CYP39A1: variants seen among roughly 807,000 people sequenced by gnomAD.
CYP39A1 encodes 24-hydroxycholesterol 7-alpha-hydroxylase.
In CYP39A1, 49 loss-of-function variants were observed where a neutral mutation model predicts 58.1. That is an observed-to-expected ratio of 0.84 (90% CI 0.67 to 1.07). The LOEUF is 1.07. Among genes scored for constraint, CYP39A1 ranks in the 50% least tolerant of loss-of-function variants. The probability of loss-of-function intolerance (pLI) is 0.00; values close to 1 mark genes in which losing one functional copy is unlikely to be tolerated. For missense variants in CYP39A1, 531 were observed against 539.4 expected (o/e 0.98, Z 0.16); for synonymous variants, 209 against 187.6 (o/e 1.11, Z -0.93).
intron 7 of CYP39A1, among the ~76,000 whole-genome samples, chr6:46,616,502 G>A (rs546932015): frequency 6.6e-6 from 1 of 151,528 alleles, no homozygotes; most frequent in East Asian, 2.0e-4. Context: ...CAAAGCTCTG[G>A]AATTATAGGC....
At chr6:46,629,622 G>A (rs989132105) in intron 6 of CYP39A1, among the ~76,000 whole-genome samples, 1 of 152,126 alleles carries the variant, frequency 6.6e-6, no homozygotes, top group Non-Finnish European at 1.5e-5. Context: ...AGAATATCAT[G>A]ACTGAGAAAG....
chr6:46,568,275 G>A (rs1771401001), intron 10 of CYP39A1, among the ~76,000 whole-genome samples: 1 of 152,004 alleles, frequency 6.6e-6, no homozygotes, highest in Admixed American at 6.6e-5. Flanking sequence ...AGTTTTAGAA[G>A]TTCTCTATGC....
intron 10 of CYP39A1, among the ~76,000 whole-genome samples, chr6:46,575,100 G>A (rs1001567903): frequency 3.9e-5 from 6 of 152,098 alleles, no homozygotes; most frequent in South Asian, 2.1e-4. Context: ...TAGGCATGGA[G>A]TGGCTCACCT....
In CYP39A1 at chr6:46,637,876, A is replaced by T; in HGVS notation, c.591T>A (p.Tyr197Ter). The stretch of plus-strand genomic sequence containing the variant: ...GGGACCCATACTCAAAATCTTCATC[A>T]TAAACTTGAAAATACTGATGGAACT... ...IKEFHQYFQV[Y>*]DEDFEYGSQL... Residue 197 changes from tyrosine to a stop codon, truncating the protein, a stop_gained, in exon 4 of 12, where the codon TAT becomes TAA. Transcript: ENST00000275016. LOFTEE classifies it high-confidence loss of function. 1 of 1,612,466 alleles carries T rather than the reference A, an allele frequency of 6.2e-7. No homozygotes were observed. Among genetic ancestry groups the T allele is most frequent in the Admixed American group, 1.7e-5 (1 of 59,586 alleles).
chr6:46,583,329 G>C (rs1213884593), intron 10 of CYP39A1: 1 of 985,216 alleles, frequency 1.0e-6, no homozygotes, highest in Non-Finnish European at 1.2e-6. Flanking sequence ...TTAGAACCAA[G>C]GAAAATCAAG....
Position 46,553,790 on chromosome 6 carries a change from G to A in CYP39A1, c.1315C>T (p.Leu439Phe). Reference sequence around the variant, plus strand: ...ACCTGTTTGGGTAATGGGTCCAGAAGACTACAGTCATATTTATAAAGTATT... The same window carrying A: ...ACCTGTTTGGGTAATGGGTCCAGAAAACTACAGTCATATTTATAAAGTATT... ...ILILYKYDCS[L>F]LDPLPKQSYL... The change falls in exon 11 of 12, where the codon CTT (leucine) becomes TTT (phenylalanine). Residue 439 changes from leucine to phenylalanine, a missense_variant. Physicochemically the swap from Leu to Phe is conservative, Grantham distance 22. Transcript: ENST00000275016. 1.2e-6 allele frequency: 2 copies of A among 1,610,690 alleles called. No homozygotes were observed. Among genetic ancestry groups the A allele is most frequent in the Non-Finnish European group, 1.7e-6 (2 of 1,177,600 alleles).
chr6:46,638,088 G>A, intron 3 of CYP39A1, 110 bp from the exon 4 acceptor site: 5 of 1,082,820 alleles, frequency 4.6e-6, no homozygotes, highest in Non-Finnish European at 6.4e-6. Flanking sequence ...CAGATAATAG[G>A]TGACAGATTC....
chr6:46,610,586 C>G (rs1774154413), intron 7 of CYP39A1, among the ~76,000 whole-genome samples: 1 of 152,102 alleles, frequency 6.6e-6, no homozygotes, highest in Non-Finnish European at 1.5e-5. Flanking sequence ...CTCAAGCCAT[C>G]CTCCCATCTC....
intron 8 of CYP39A1, 64 bp from the exon 9 acceptor site, chr6:46,588,193 AC>A (rs1373597159): frequency 1.1e-6 from 1 of 906,330 alleles, no homozygotes; most frequent in Non-Finnish European, 1.7e-6. Flanking sequence ...AATTTGGGCC[AC>A]TAAAAATGAT....
intron 7 of CYP39A1, among the ~76,000 whole-genome samples, chr6:46,609,507 T>C (rs1344714539): frequency 6.6e-6 from 1 of 152,218 alleles, no homozygotes; most frequent in Non-Finnish European, 1.5e-5. Flanking sequence ...AAAATTGATT[T>C]ATCTTTTTTG....
intron 6 of CYP39A1, among the ~76,000 whole-genome samples, chr6:46,629,968 C>A (rs1287418652): frequency 1.3e-5 from 2 of 151,574 alleles, no homozygotes; most frequent in African/African-American, 2.4e-5. Flanking sequence ...CAGTAGCTCA[C>A]GCATGTAATC....
intron 7 of CYP39A1, among the ~76,000 whole-genome samples, chr6:46,617,441 A>G (rs1196881332): frequency 6.6e-6 from 1 of 152,100 alleles, no homozygotes; most frequent in Non-Finnish European, 1.5e-5. Context: ...GGCCACAGGT[A>G]TCAGGCTCAG....
At chr6:46,563,886 C>T (rs142451580) in intron 10 of CYP39A1, among the ~76,000 whole-genome samples, 40 of 152,026 alleles carry the variant, frequency 2.6e-4, no homozygotes, top group Middle Eastern at 3.4e-3. Flanking sequence ...ATGGAGGGCC[C>T]GGAGTTCTAG....
chr6:46,573,600 C>A (rs1429165681), intron 10 of CYP39A1, among the ~76,000 whole-genome samples: 1 of 152,102 alleles, frequency 6.6e-6, no homozygotes, highest in Non-Finnish European at 1.5e-5. Context: ...TGCTGGTAAC[C>A]ACAGTAGCAC....
chr6:46,588,115 A>G lies in CYP39A1; in HGVS notation c.1080T>C (p.Pro360=), dbSNP rs1321323336. 1.4e-5 allele frequency: 22 copies of G among 1,592,234 alleles called. No individual in the cohort carries two copies. The highest frequency in any genetic ancestry group is 1.9e-5 in the Non-Finnish European group (22 of 1,168,190). The part of the protein sequence containing the change: ...KPVEILNYII[P]SGDLLMLSPF... ...GAGACAACATCAACAAGTCACCAGAAGGAATGATGTAATTCTATAACAGAA... is the reference window on the plus strand; with the variant it reads ...GAGACAACATCAACAAGTCACCAGAGGGAATGATGTAATTCTATAACAGAA... The change falls in exon 9 of 12, where the codon CCT becomes CCC. Residue 360 remains proline (P), a synonymous_variant. Coordinates refer to ENST00000275016, the MANE Select transcript of CYP39A1 (RefSeq NM_016593.5).
At chr6:46,612,252 A>T (rs1774259891) in intron 7 of CYP39A1, among the ~76,000 whole-genome samples, 1 of 152,210 alleles carries the variant, frequency 6.6e-6, no homozygotes, top group Non-Finnish European at 1.5e-5. Flanking sequence ...ACAGTGGAAG[A>T]AATAAAGCTT....
chr6:46,575,820 C>G (rs1405617722), intron 10 of CYP39A1, among the ~76,000 whole-genome samples: 3 of 152,162 alleles, frequency 2.0e-5, no homozygotes, highest in Non-Finnish European at 4.4e-5. Context: ...ATGAGCTGAG[C>G]CTTGGGCCTC....
At chr6:46,574,707 T>C (rs1223962418) in intron 10 of CYP39A1, among the ~76,000 whole-genome samples, 1 of 152,136 alleles carries the variant, frequency 6.6e-6, no homozygotes, top group African/African-American at 2.4e-5. Context: ...GCCCAGGTAT[T>C]CTGTGCACAG....
chr6:46,605,222 C>A (rs1773767299), intron 7 of CYP39A1, among the ~76,000 whole-genome samples: 1 of 152,086 alleles, frequency 6.6e-6, no homozygotes, highest in African/African-American at 2.4e-5. Context: ...ATGTTAGAAC[C>A]CCTGAATGTC....
Sources: allele counts gnomAD v4.1 joint callset (sites outside exome capture counted in the v4.1 genomes callset), GRCh38; gene constraint gnomAD v4.1.1; transcripts MANE v1.5; gene names NCBI Gene and HGNC (gene_info 2026-07-23, HGNC 2026-07-21).